GALNT13: variants seen among roughly 807,000 people sequenced by gnomAD.
GALNT13 encodes UDP-GalNAc:polypeptide N-acetylgalactosaminyltransferase 13.
GALNT13 carries 28 observed loss-of-function variants against 64.2 expected under a neutral mutation model. That is an observed-to-expected ratio of 0.44 (90% CI 0.32 to 0.60). The LOEUF is 0.60. Ranked by LOEUF, GALNT13 falls within the 20% of genes least tolerant of loss-of-function variation. The pLI is 0.05. For missense variants in GALNT13, 577 were observed against 669.8 expected (o/e 0.86, Z 1.53); for synonymous variants, 214 against 224.6 (o/e 0.95, Z 0.42).
At chr2:153,899,703 G>A (rs528282547) in intron 1 of GALNT13, among the ~76,000 whole-genome samples, 30 of 151,992 alleles carry the variant, frequency 2.0e-4, no homozygotes, top group Middle Eastern at 3.4e-3. Flanking sequence ...GTTGGTTTTG[G>A]TGAACACAAA....
chr2:154,076,080 T>C (rs917303714), intron 3 of GALNT13, among the ~76,000 whole-genome samples: 1 of 151,708 alleles, frequency 6.6e-6, no homozygotes, highest in Non-Finnish European at 1.5e-5. Flanking sequence ...TACATATTTA[T>C]TGTGGGCCAA....
At chr2:154,303,823 A>T (rs1693583838) in intron 9 of GALNT13, among the ~76,000 whole-genome samples, 1 of 151,092 alleles carries the variant, frequency 6.6e-6, no homozygotes, top group South Asian at 2.1e-4. Context: ...CAGTGGCGTG[A>T]TCTCGGCTCA....
At chr2:153,112,231 G>T in the GALNT13 span, among the ~76,000 whole-genome samples, 1 of 152,086 alleles carries the variant, frequency 6.6e-6, no homozygotes, top group African/African-American at 2.4e-5. Context: ...AGCATGCTTG[G>T]ATCTACTCCT....
At chr2:154,086,051 G>A (rs1288219129) in intron 3 of GALNT13, among the ~76,000 whole-genome samples, 2 of 151,168 alleles carry the variant, frequency 1.3e-5, no homozygotes, top group Non-Finnish European at 1.5e-5. Flanking sequence ...TCAATGAGCT[G>A]TAATGTTAAA....
At chr2:153,790,534 A>T in the GALNT13 span, among the ~76,000 whole-genome samples, 1 of 152,172 alleles carries the variant, frequency 6.6e-6, no homozygotes, top group Non-Finnish European at 1.5e-5. Context: ...TCCTTTGAAA[A>T]CTGGCACAAG....
intron 4 of GALNT13, among the ~76,000 whole-genome samples, chr2:154,222,433 C>A (rs747731458): frequency 1.3e-5 from 2 of 151,938 alleles, no homozygotes; most frequent in Non-Finnish European, 2.9e-5. Flanking sequence ...ACTGAATAGA[C>A]CTTAACAGAA....
At chr2:153,606,736 C>G in the GALNT13 span, among the ~76,000 whole-genome samples, 1 of 152,064 alleles carries the variant, frequency 6.6e-6, no homozygotes, top group African/African-American at 2.4e-5. Flanking sequence ...AGAGTGAAGC[C>G]TTTTATCTCT....
chr2:154,014,313 A>T (rs1459627653), intron 3 of GALNT13, among the ~76,000 whole-genome samples: 1 of 152,078 alleles, frequency 6.6e-6, no homozygotes, highest in Non-Finnish European at 1.5e-5. Flanking sequence ...GTCTCCTGCA[A>T]CTAGGATTAC....
At chr2:154,200,497 TTTCTCACCTTTGG>T (rs1283062399) in intron 4 of GALNT13, among the ~76,000 whole-genome samples, 1 of 152,174 alleles carries the variant, frequency 6.6e-6, no homozygotes, top group Non-Finnish European at 1.5e-5. Context: ...CAGAAATTTA[TTTCTCACCTTTGG>T]AACTTGGGAA....
At chr2:154,199,019 GAAGT>G (rs1249248599) in intron 4 of GALNT13, among the ~76,000 whole-genome samples, 2 of 151,992 alleles carry the variant, frequency 1.3e-5, no homozygotes, top group African/African-American at 4.8e-5. Context: ...TTCAAATGGA[GAAGT>G]AAGAACAGAA....
At chr2:154,180,082 G>A (rs894022808) in intron 4 of GALNT13, among the ~76,000 whole-genome samples, 18 of 152,184 alleles carry the variant, frequency 1.2e-4, no homozygotes, top group African/African-American at 3.9e-4. Flanking sequence ...ATTTATGAAG[G>A]TGTCATCAAG....
At chr2:154,425,459 C>T (rs1245295451) in intron 11 of GALNT13, among the ~76,000 whole-genome samples, 1 of 152,126 alleles carries the variant, frequency 6.6e-6, no homozygotes, top group Non-Finnish European at 1.5e-5. Flanking sequence ...ATGGTACCAA[C>T]TAATGAGACT....
At chr2:153,322,445 C>A in the GALNT13 span, among the ~76,000 whole-genome samples, 1 of 151,836 alleles carries the variant, frequency 6.6e-6, no homozygotes, top group African/African-American at 2.4e-5. Context: ...ACATGTCTTT[C>A]GTTATTGTGA....
the GALNT13 span, among the ~76,000 whole-genome samples, chr2:153,826,076 C>T: frequency 7.9e-5 from 12 of 152,162 alleles, no homozygotes; most frequent in Admixed American, 7.2e-4. Context: ...TTCTATCCAA[C>T]ACTACCCAAT....
intron 3 of GALNT13, among the ~76,000 whole-genome samples, chr2:154,014,400 G>T (rs921629803): frequency 6.6e-6 from 1 of 151,926 alleles, no homozygotes. Flanking sequence ...GGGGCCAGGA[G>T]TGGGTCACAG....
chr2:153,478,531 G>A, the GALNT13 span: 2 of 1,605,312 alleles, frequency 1.2e-6, no homozygotes, highest in East Asian at 2.2e-5. Flanking sequence ...GAACAGGCCC[G>A]CCACGTCCGT....
intron 4 of GALNT13, among the ~76,000 whole-genome samples, chr2:154,196,810 G>T (rs936461292): frequency 1.3e-5 from 2 of 152,174 alleles, no homozygotes; most frequent in Non-Finnish European, 2.9e-5. Context: ...CAAGAATTGG[G>T]TTCTACTAAA....
chr2:153,687,327 T>C, the GALNT13 span, among the ~76,000 whole-genome samples: 6 of 150,420 alleles, frequency 4.0e-5, no homozygotes, highest in African/African-American at 7.3e-5. Context: ...GAGCTCGTTA[T>C]TGGTCTGTTC....
chr2:153,379,561 G>A, the GALNT13 span, among the ~76,000 whole-genome samples: 1 of 152,142 alleles, frequency 6.6e-6, no homozygotes, highest in Non-Finnish European at 1.5e-5. Context: ...CATTTACTCT[G>A]ATTAGGATTC....
Sources: gnomAD v4.1 joint callset for allele counts (sites outside exome capture counted in the v4.1 genomes callset) on GRCh38, gnomAD v4.1.1 for gene constraint, MANE v1.5 for transcripts, NCBI Gene and HGNC (gene_info 2026-07-23, HGNC 2026-07-21) for gene names.